The following TICAM1 variants were observed in gnomAD, a reference collection of about 807,000 sequenced individuals.
TICAM1 encodes the protein TIR domain containing adaptor molecule 1.
For missense variants in TICAM1, 895 were observed against 938.2 expected (o/e 0.95, Z 0.60); for synonymous variants, 439 against 415.4 (o/e 1.06, Z -0.69).
At chr19:4,831,444 G>A (rs1404019647) in intron 1 of TICAM1, among the ~76,000 whole-genome samples, 170 bp downstream of exon 1, 1 of 151,940 alleles carries the variant, frequency 6.6e-6, no homozygotes, top group African/African-American at 2.4e-5. Flanking sequence ...GAGGTTGAGG[G>A]GAACGTCAAC....
chr19:4,827,244 G>T (rs992003443), intron 1 of TICAM1, among the ~76,000 whole-genome samples: 1 of 151,258 alleles, frequency 6.6e-6, no homozygotes, highest in African/African-American at 2.4e-5. Context: ...CCAGCTATTC[G>T]GGAGGCTGAG....
In TICAM1 at chr19:4,816,536, G is replaced by C. The variant is rs751674787; in HGVS notation, c.1842C>G (p.Pro614=). Residue 614 remains proline, a synonymous_variant, in exon 2 of 2, where the codon CCC becomes CCG. Transcript: ENST00000248244. The surrounding 1 kb of genome is among the most constrained non-coding windows in gnomAD (Gnocchi z 4.3). ...GARMPFGGQV[P]LGAPPPFPTW... ...TGGGAAAGGGTGGCGGGGCTCCCAGGGGCACCTGGCCCCCAAAGGGCATTC... is the reference window on the plus strand; with the variant it reads ...TGGGAAAGGGTGGCGGGGCTCCCAGCGGCACCTGGCCCCCAAAGGGCATTC... 3.6e-5 allele frequency: 58 copies of C among 1,602,708 alleles called. No homozygotes were observed. The highest frequency in any genetic ancestry group is 4.8e-5 in the Non-Finnish European group (56 of 1,175,272).
intron 1 of TICAM1, among the ~76,000 whole-genome samples, chr19:4,830,879 G>A (rs985025520): frequency 2.0e-5 from 3 of 152,166 alleles, no homozygotes; most frequent in Non-Finnish European, 4.4e-5. Flanking sequence ...TCTGGAAGGT[G>A]AAGCCACCTG....
chr19:4,817,584 G>T lies in TICAM1; in HGVS notation c.794C>A (p.Pro265Gln), dbSNP rs1461196504. The T allele has an allele frequency of 1.2e-6, 2 of 1,609,484 alleles. No individual in the cohort carries two copies. Among genetic ancestry groups the T allele is most frequent in the African/African-American group, 2.7e-5 (2 of 74,828 alleles). ...AGGAGGTGGGCTGCTTGGCAGCTCTGGTGGGCTGGCAATCTCCCCCGATGG... is the reference window on the plus strand; with the variant it reads ...AGGAGGTGGGCTGCTTGGCAGCTCTTGTGGGCTGGCAATCTCCCCCGATGG... ...WPPSGEIASP[P>Q]ELPSSPPPGL... The change falls in exon 2 of 2, where the codon CCA (proline) becomes CAA (glutamine). Residue 265 changes from proline (P) to glutamine (Q), a missense_variant. Physicochemically the swap from Pro to Gln is moderately conservative, Grantham distance 76 (BLOSUM62 -1). Transcript: ENST00000248244. This position sits in a 1 kb window ranked among gnomAD's most constrained non-coding sequence, Gnocchi z 4.7.
chr19:4,827,372 C>CAAAAAAAAAGAAA (rs2093607117), intron 1 of TICAM1, among the ~76,000 whole-genome samples: 1 of 54,148 alleles, frequency 1.8e-5, no homozygotes, highest in Non-Finnish European at 3.3e-5. Context: ...ACTCTGTCTC[C>CAAAAAAAAAGAAA]AAAAAAAAAA....
At chr19:4,829,324 G>A (rs896928612) in intron 1 of TICAM1, among the ~76,000 whole-genome samples, 3 of 141,774 alleles carry the variant, frequency 2.1e-5, no homozygotes, top group African/African-American at 8.2e-5. Context: ...AAATCACGTG[G>A]TCTTTCTTCT....
Position 4,817,976 on chromosome 19 carries a change from C to A in TICAM1, c.402G>T (p.Gly134=). The stretch of plus-strand genomic sequence containing the variant: ...GGTTTCGGGCCTCATCCTGAAGTTC[C>A]CCCAGCCGGTGGTCGTCCCTGGAGC... ...TLSSRDDHRL[G]ELQDEARNRC... is the part of the protein sequence containing the mutation. Residue 134 remains glycine (G), a synonymous_variant, in exon 2 of 2, where the codon GGG becomes GGT. Transcript: ENST00000248244. The surrounding 1 kb of genome is among the most constrained non-coding windows in gnomAD (Gnocchi z 4.7). 6.2e-7 allele frequency: 1 copy of A among 1,613,308 alleles called. No individual in the cohort carries two copies. The highest frequency in any genetic ancestry group is 1.1e-5 in the South Asian group (1 of 91,066).
In TICAM1 at chr19:4,816,596, G is replaced by A. The variant is rs766933257; in HGVS notation, c.1782C>T (p.His594=). Residue 594 remains histidine, a synonymous_variant, in exon 2 of 2, where the codon CAC becomes CAT. Transcript: ENST00000248244. The surrounding 1 kb of genome is among the most constrained non-coding windows in gnomAD (Gnocchi z 4.3). ...AGGGCGCCCCAGTCCCAAATGACAT[G>A]TGGCTCCCAAAAGCCACCTGGAGCT... is the stretch of plus-strand genomic sequence containing the variant. ...MEQLQVAFGS[H]MSFGTGAPYG... 1 of 1,613,798 alleles carries A rather than the reference G, an allele frequency of 6.2e-7. No individual in the cohort carries two copies.
rs140835391 is a variant in TICAM1, at chr19:4,824,624, C to T, written c.-139-6108G>A. Among the ~76,000 whole-genome samples the T allele has an allele frequency of 5.3e-3, 801 of 150,610 alleles. 6 individuals carry two copies. The highest frequency in any genetic ancestry group is 0.018 in the African/African-American group (763 of 41,262). ...TGTTGGGATTACAGGCGTGAGCCACCGCAGGACACAAAGAAGGGAACAACA... is the reference window on the plus strand; with the variant it reads ...TGTTGGGATTACAGGCGTGAGCCACTGCAGGACACAAAGAAGGGAACAACA... On this transcript the variant is annotated intron_variant, in intron 1 of 1. Coordinates refer to ENST00000248244, the MANE Select transcript of TICAM1 (RefSeq NM_182919.4).
At chr19:4,827,529 C>T (rs1210281741) in intron 1 of TICAM1, among the ~76,000 whole-genome samples, 1 of 151,030 alleles carries the variant, frequency 6.6e-6, no homozygotes, top group Non-Finnish European at 1.5e-5. Flanking sequence ...GAGGCCGAGG[C>T]GGGCAGATCA....
Position 4,816,660 on chromosome 19 carries a change from T to C in TICAM1, c.1718A>G (p.Tyr573Cys). Residue 573 changes from tyrosine to cysteine, a missense_variant, in exon 2 of 2, where the codon TAC becomes TGC. Coordinates refer to ENST00000248244, the MANE Select transcript of TICAM1 (RefSeq NM_182919.4). This position sits in a 1 kb window ranked among gnomAD's most constrained non-coding sequence, Gnocchi z 4.3. ...CTGGTAGGACAAGTAGCTCTGGAGG[T>C]AGGCTGAGTAGGCTGCGTTCAGTGC... ...AAALNAAYSA[Y>C]LQSYLSYQAQ... 3 of 1,614,084 alleles carry C rather than the reference T, an allele frequency of 1.9e-6. No individual in the cohort carries two copies. The highest frequency in any genetic ancestry group is 1.3e-5 in the African/African-American group (1 of 75,042).
At position 4,816,081 on chromosome 19, in the gene TICAM1, G is replaced by A; in HGVS notation, c.*158C>T. 2 of 1,179,050 alleles carry A rather than the reference G, an allele frequency of 1.7e-6. No homozygotes were observed. The highest frequency in any genetic ancestry group is 2.2e-6 in the Non-Finnish European group (2 of 926,722). 73.0% of individuals were successfully genotyped at this position (1,179,050 alleles called of 1,614,324 possible). A position where few individuals can be genotyped will look rare whatever the true frequency, so the allele number is the denominator to read the frequency against. On this transcript the variant is annotated 3_prime_UTR_variant, in exon 2 of 2. Coordinates refer to ENST00000248244, the MANE Select transcript of TICAM1 (RefSeq NM_182919.4). This position sits in a 1 kb window ranked among gnomAD's most constrained non-coding sequence, Gnocchi z 4.3. ...GCCAGGGCATCATCGCGCCCGTTTTGTCCTAAATGAAGGGCTCCCGGACAA... is the reference window on the plus strand; with the variant it reads ...GCCAGGGCATCATCGCGCCCGTTTTATCCTAAATGAAGGGCTCCCGGACAA...
At position 4,816,385 on chromosome 19, in the gene TICAM1, T is replaced by A. The variant is rs1177683632; in HGVS notation, c.1993A>T (p.Thr665Ser). 1 of 1,584,826 alleles carries A rather than the reference T, an allele frequency of 6.3e-7. No individual in the cohort carries two copies. Among genetic ancestry groups the A allele is most frequent in the Non-Finnish European group, 8.6e-7 (1 of 1,166,814 alleles). ...CTCTGAGGGGGTGCGGGTGAGGCCG[T>A]AGGGAAGGCTGGGGACTGCGGGAAG... ...LPFPQSPAFP[T>S]ASPAPPQSPG... The change falls in exon 2 of 2, where the codon ACG becomes TCG. Residue 665 changes from threonine (T) to serine (S), a missense_variant. Physicochemically the swap from Thr to Ser is moderately conservative, Grantham distance 58. Transcript: ENST00000248244. The surrounding 1 kb of genome is among the most constrained non-coding windows in gnomAD (Gnocchi z 4.3).
rs373468408 is a variant in TICAM1, at chr19:4,817,872, G to A, written c.506C>T (p.Ser169Leu). The part of the protein sequence containing the change: ...QSNLGCLPPS[S>L]ALPSGTRSLP... ...GCTCCTGGTCCCAGAGGGCAAAGCC[G>A]AGGATGGTGGGAGGCAGCCCAGATT... The change falls in exon 2 of 2, where the codon TCG becomes TTG. Residue 169 changes from serine (S) to leucine (L), a missense_variant. By Grantham distance (145) the Ser-to-Leu change is moderately radical (BLOSUM62 -2). Coordinates refer to ENST00000248244, the MANE Select transcript of TICAM1 (RefSeq NM_182919.4). This position sits in a 1 kb window ranked among gnomAD's most constrained non-coding sequence, Gnocchi z 4.7. 7.4e-6 allele frequency: 12 copies of A among 1,613,450 alleles called. No individual in the cohort carries two copies. The African/African-American group carries it at 9.3e-5, about 13-fold the overall frequency.
Position 4,816,662 on chromosome 19 carries a change from G to A in TICAM1, c.1716C>T (p.Ala572=), listed in dbSNP as rs1199255041. Residue 572 remains alanine, a synonymous_variant, in exon 2 of 2, where the codon GCC becomes GCT. Coordinates refer to ENST00000248244, the MANE Select transcript of TICAM1 (RefSeq NM_182919.4). The surrounding 1 kb of genome is among the most constrained non-coding windows in gnomAD (Gnocchi z 4.3). ...QAAALNAAYS[A]YLQSYLSYQA... ...GGTAGGACAAGTAGCTCTGGAGGTA[G>A]GCTGAGTAGGCTGCGTTCAGTGCCG... 1 of 1,614,172 alleles carries A rather than the reference G, an allele frequency of 6.2e-7. No homozygotes were observed. The highest frequency in any genetic ancestry group is 1.7e-5 in the Admixed American group (1 of 60,028).
Position 4,817,701 on chromosome 19 carries a change from C to T in TICAM1, c.677G>A (p.Gly226Glu), listed in dbSNP as rs1297831092. 6.3e-7 allele frequency: 1 copy of T among 1,592,610 alleles called. No homozygotes were observed. The highest frequency in any genetic ancestry group is 8.5e-7 in the Non-Finnish European group (1 of 1,170,840). ...GGGGTCGTCACAGAGCTTGCTGGGC[C>T]CATGTGGGCTGCGGTGCAGGCTGAG... ...PFLSLHRSPHGPSKLCDDPQA... is the reference protein window; with the variant it reads ...PFLSLHRSPHEPSKLCDDPQA... The change falls in exon 2 of 2, where the codon GGG becomes GAG. Residue 226 changes from glycine (G) to glutamate (E), a missense_variant. Transcript: ENST00000248244. The surrounding 1 kb of genome is among the most constrained non-coding windows in gnomAD (Gnocchi z 4.7).
In TICAM1 at chr19:4,817,174, C is replaced by A. The variant is rs781665133; in HGVS notation, c.1204G>T (p.Ala402Ser). 1.7e-5 allele frequency: 27 copies of A among 1,613,944 alleles called. No individual in the cohort carries two copies. The highest frequency in any genetic ancestry group is 2.2e-5 in the Non-Finnish European group (26 of 1,180,016). Residue 402 changes from alanine to serine, a missense_variant, in exon 2 of 2, where the codon GCC (alanine) becomes TCC (serine). Transcript: ENST00000248244. This position sits in a 1 kb window ranked among gnomAD's most constrained non-coding sequence, Gnocchi z 4.7. ...QKFYNFVILH[A>S]RADEHIALRV... ...AGGGCGATGTGTTCGTCTGCCCTGG[C>A]GTGGAGGATCACAAAGTTATAGAAT...
At chr19:4,827,692 A>G (rs2093607938) in intron 1 of TICAM1, among the ~76,000 whole-genome samples, 1 of 149,286 alleles carries the variant, frequency 6.7e-6, no homozygotes, top group Admixed American at 6.8e-5. Context: ...TGGGAGGCGG[A>G]GCTTGCAGCG....
chr19:4,821,990 C>T (rs1226897690), intron 1 of TICAM1, among the ~76,000 whole-genome samples: 1 of 151,510 alleles, frequency 6.6e-6, no homozygotes, highest in African/African-American at 2.4e-5. Flanking sequence ...GGCTGGAGTA[C>T]AATGGTGCAA....
Sources: gnomAD v4.1 joint callset for allele counts (sites outside exome capture counted in the v4.1 genomes callset) on GRCh38, gnomAD v4.1.1 for gene constraint, Gnocchi (gnomAD v3.1) non-coding constraint, MANE v1.5 for transcripts, NCBI Gene and HGNC (gene_info 2026-07-23, HGNC 2026-07-21) for gene names.